The following WDR36 variants were observed in gnomAD, a reference collection of about 807,000 sequenced individuals.
WDR36 encodes WD repeat domain 36.
Under a neutral mutation model 112.7 loss-of-function variants are expected in WDR36, and 63 were observed. That is an observed-to-expected ratio of 0.56 (90% confidence interval 0.46 to 0.69). The LOEUF is 0.69. Ranked by LOEUF, WDR36 falls within the 30% of genes least tolerant of loss-of-function variation. WDR36 has a pLI of 0.00. For synonymous variants in WDR36, 410 were observed against 362.2 expected (o/e 1.13, Z -1.50); for missense variants, 1,226 against 1,070.3 (o/e 1.15, Z -2.03).
chr5:111,092,410 G>C lies in WDR36; in HGVS notation c.-47G>C. ...GACACGCTGAAGGGACTGGGTACGT[G>C]TTTTCCTTCAGGACCAGAGCTGAGA... On this transcript the variant is annotated 5_prime_UTR_variant, in exon 1 of 23. Coordinates refer to ENST00000513710, the MANE Select transcript of WDR36 (RefSeq NM_139281.3). 5 of 1,614,242 alleles carry C rather than the reference G, an allele frequency of 3.1e-6. No homozygotes were observed. Among genetic ancestry groups the C allele is most frequent in the Non-Finnish European group, 3.4e-6 (4 of 1,180,054 alleles).
At chr5:111,121,729 G>T (rs1266547584) in intron 19 of WDR36, among the ~76,000 whole-genome samples, 1 of 152,132 alleles carries the variant, frequency 6.6e-6, no homozygotes, top group African/African-American at 2.4e-5. Flanking sequence ...ATGAAAAATG[G>T]ACAACTATGG....
rs1162406237 is a variant in WDR36 at position 111,100,711 on chromosome 5, G to A, written c.532G>A (p.Val178Ile). 2 of 1,608,660 alleles carry A rather than the reference G, an allele frequency of 1.2e-6. No homozygotes were observed. The highest frequency in any genetic ancestry group is 4.5e-5 in the East Asian group (2 of 44,630). The change falls in exon 5 of 23, where the codon GTA becomes ATA. Residue 178 changes from valine to isoleucine, a missense_variant. By Grantham distance (29) the Val-to-Ile change is conservative. Transcript: ENST00000513710. ...ACAAGGAAGCCTGCAGTTGTGGAAT[G>A]TAAAATCCAAGTAAGTATTTTAGTT... ...SEQGSLQLWN[V>I]KSNKLLYTFP...
chr5:111,098,671 A>C (rs746008894), intron 3 of WDR36, 51 bp from the exon 4 acceptor site: 13 of 1,155,516 alleles, frequency 1.1e-5, no homozygotes, highest in Non-Finnish European at 1.3e-5. Context: ...GAATAATATG[A>C]CATGATGACT....
intron 2 of WDR36, among the ~76,000 whole-genome samples, chr5:111,096,296 A>G (rs983577130): frequency 1.3e-5 from 2 of 152,238 alleles, no homozygotes; most frequent in African/African-American, 2.4e-5. Context: ...GAATAGGCAT[A>G]TAGAATACCA....
Position 111,100,695 on chromosome 5 carries a change from C to A in WDR36, c.516C>A (p.Ser172Arg). Residue 172 changes from serine (S) to arginine (R), a missense_variant, in exon 5 of 23, where the codon AGC (serine) becomes AGA (arginine). Coordinates refer to ENST00000513710, the MANE Select transcript of WDR36 (RefSeq NM_139281.3). The part of the protein sequence containing the change: ...NKILLGSEQG[S>R]LQLWNVKSNK... ...TACTTCTGGGCAGTGAACAAGGAAG[C>A]CTGCAGTTGTGGAATGTAAAATCCA... is the stretch of plus-strand genomic sequence containing the variant. 1 of 1,608,780 alleles carries A rather than the reference C, an allele frequency of 6.2e-7. No individual in the cohort carries two copies. The highest frequency in any genetic ancestry group is 8.5e-7 in the Non-Finnish European group (1 of 1,176,624).
chr5:111,116,152 G>A (rs958580984), intron 16 of WDR36, among the ~76,000 whole-genome samples: 1 of 150,700 alleles, frequency 6.6e-6, no homozygotes, highest in African/African-American at 2.4e-5. Context: ...GTTTCACCAT[G>A]TGGCCAGGCT....
rs139659671 is a variant in WDR36, at chr5:111,094,602, G to A, written c.163-318G>A. 5.6e-3 allele frequency among the ~76,000 whole-genome samples: 848 copies of A among 152,242 alleles called. 33 individuals carry two copies. Among genetic ancestry groups the A allele is most frequent in the Admixed American group, 0.05 (769 of 15,294 alleles). On this transcript the variant is annotated intron_variant, in intron 1 of 22. Transcript: ENST00000513710. The stretch of plus-strand genomic sequence containing the variant: ...CCCATGCACATTATTTATCTATTAC[G>A]TATGGCTGTTTTCATGCTACGGTGG...
chr5:111,108,715 G>A (rs1356981610), intron 12 of WDR36, among the ~76,000 whole-genome samples: 3 of 151,312 alleles, frequency 2.0e-5, no homozygotes, highest in African/African-American at 7.3e-5. Context: ...ACATTGGTTA[G>A]CTGCTTTTTA....
At chr5:111,113,242 T>C in intron 16 of WDR36, 89 bp downstream of exon 16, 1 of 742,934 alleles carries the variant, frequency 1.3e-6, no homozygotes, top group Non-Finnish European at 2.3e-6. Context: ...TAATGGGTTA[T>C]ATGCTTTTTC....
chr5:111,106,776 A>G (rs1753228755), intron 11 of WDR36, among the ~76,000 whole-genome samples: 1 of 151,314 alleles, frequency 6.6e-6, no homozygotes, highest in East Asian at 1.9e-4. Context: ...CCTTAACATG[A>G]CTTTCAAGAC....
chr5:111,096,150 A>G (rs1054991671), intron 2 of WDR36, among the ~76,000 whole-genome samples: 10 of 152,190 alleles, frequency 6.6e-5, no homozygotes, highest in African/African-American at 1.7e-4. Flanking sequence ...TCCTGCCCCA[A>G]AAGAGGAAAT....
At chr5:111,121,233 A>G in intron 19 of WDR36, 92 bp downstream of exon 19, 2 of 1,363,818 alleles carry the variant, frequency 1.5e-6, no homozygotes, top group East Asian at 4.6e-5. Flanking sequence ...CATTGAGGGC[A>G]TTAGAAGAGC....
Position 111,104,763 on chromosome 5 carries a change from C to T in WDR36, c.973C>T (p.Pro325Ser). Residue 325 changes from proline (P) to serine (S), a missense_variant, in exon 9 of 23, where the codon CCT becomes TCT. Transcript: ENST00000513710. ...GAGATTCAGAATGGGTCATAGTGCT[C>T]CTCTTACCAATATCAGATATTATGG... Reference protein sequence around the residue: ...LLRFRMGHSAPLTNIRYYGQN... With the variant: ...LLRFRMGHSASLTNIRYYGQN... 1 of 1,611,328 alleles carries T rather than the reference C, an allele frequency of 6.2e-7. No homozygotes were observed. Among genetic ancestry groups the T allele is most frequent in the South Asian group, 1.1e-5 (1 of 91,040 alleles).
rs1243862974 is a variant in WDR36, at chr5:111,105,264, T to G, written c.1028-31T>G. The G allele has an allele frequency of 1.9e-6, 3 of 1,599,340 alleles. No individual in the cohort carries two copies. The East Asian group carries it at 6.7e-5, about 36-fold the overall frequency. On this transcript the variant is annotated intron_variant, in intron 9 of 22. Transcript: ENST00000513710. ...ACATAGTCCCTTGTTTTAATGAAGC[T>G]TGATTAGGGATTTTCTGTGTATATC...
At chr5:111,114,012 A>G (rs1254241764) in intron 16 of WDR36, among the ~76,000 whole-genome samples, 1 of 152,124 alleles carries the variant, frequency 6.6e-6, no homozygotes, top group African/African-American at 2.4e-5. Flanking sequence ...TTCTAACTAT[A>G]TCTTAAAGTG....
chr5:111,103,694 C>G, intron 6 of WDR36, 92 bp from the exon 7 acceptor site: 1 of 1,504,836 alleles, frequency 6.6e-7, no homozygotes, highest in South Asian at 1.2e-5. Flanking sequence ...TTCATTATTT[C>G]TTTTGATAAC....
At chr5:111,113,431 C>T (rs974063624) in intron 16 of WDR36, among the ~76,000 whole-genome samples, 1 of 105,486 alleles carries the variant, frequency 9.5e-6, no homozygotes, top group African/African-American at 4.6e-5. Context: ...CTTAAGAAAG[C>T]TCATTTGACC....
intron 16 of WDR36, among the ~76,000 whole-genome samples, chr5:111,113,810 G>C (rs1426989001): frequency 6.6e-6 from 1 of 152,068 alleles, no homozygotes. Flanking sequence ...GCGTGATAAT[G>C]TAATAGCTTG....
Position 111,124,148 on chromosome 5 carries a change from A to AT in WDR36, c.2312dup (p.Cys772LeufsTer5). 1 of 1,612,964 alleles carries AT rather than the reference A, an allele frequency of 6.2e-7. No individual in the cohort carries two copies. Among genetic ancestry groups the AT allele is most frequent in the Non-Finnish European group, 8.5e-7 (1 of 1,179,562 alleles). ...CTTGGAGTTTTGGCTCAAAAATCAGATTTCTGCTTGAAACTTGAAGAAGGA... is the reference window on the plus strand; with the variant it reads ...CTTGGAGTTTTGGCTCAAAAATCAGATTTTCTGCTTGAAACTTGAAGAAGGA... On this transcript the variant is annotated frameshift_variant, in exon 21 of 23. Coordinates refer to ENST00000513710, the MANE Select transcript of WDR36 (RefSeq NM_139281.3). LOFTEE classifies it high-confidence loss of function.
Sources: gnomAD v4.1 joint callset for allele counts (sites outside exome capture counted in the v4.1 genomes callset) on GRCh38, gnomAD v4.1.1 for gene constraint, MANE v1.5 for transcripts, NCBI Gene and HGNC (gene_info 2026-07-23, HGNC 2026-07-21) for gene names.